Variants in RERE observed in about 807,000 individuals in gnomAD.
The protein encoded by RERE is arginine-glutamic acid dipeptide repeats protein.
In RERE, 40 loss-of-function variants were observed where a neutral mutation model predicts 146.1. The ratio of observed to expected loss-of-function variants is 0.27; its 90% confidence interval spans 0.21 to 0.36. The LOEUF (loss-of-function observed/expected upper bound fraction) is 0.36. RERE is among the 10% of genes least tolerant of loss of function. RERE has a pLI of 1.00. For synonymous variants in RERE, 1,003 were observed against 866.0 expected (o/e 1.16, Z -2.78); for missense variants, 1,933 against 2,138.7 (o/e 0.90, Z 1.90).
rs149748272 is a variant in RERE at position 8,394,147 on chromosome 1, A to T, written c.1285-28173T>A. Among the ~76,000 whole-genome samples the T allele has an allele frequency of 2.1e-3, 321 of 152,312 alleles. 2 individuals carry two copies. Among genetic ancestry groups the T allele is most frequent in the African/African-American group, 7.4e-3 (309 of 41,562 alleles). ...CATTTCTTGACATTCTATAATCCCA[A>T]CTTTCAATTTCTAATGCAGGTGGCT... On this transcript the variant is annotated intron_variant, in intron 12 of 22. Coordinates refer to ENST00000400908, the MANE Select transcript of RERE (RefSeq NM_001042681.2).
chr1:8,562,871 G>T (rs1646095817), intron 4 of RERE, among the ~76,000 whole-genome samples: 1 of 152,024 alleles, frequency 6.6e-6, no homozygotes, highest in Non-Finnish European at 1.5e-5. Flanking sequence ...CCCCAAATCT[G>T]GGCTTAGAAA....
rs964784141 is a variant in RERE, at chr1:8,656,355, A to G, written c.-58T>C. 2 of 1,533,858 alleles carry G rather than the reference A, an allele frequency of 1.3e-6. No homozygotes were observed. ...GGCTAGGCCTCCGTGAAAGGTAGAC[A>G]GTAAGCCTGGGCTTCAGTCTTCTGA... On this transcript the variant is annotated 5_prime_UTR_variant, in exon 2 of 23. Transcript: ENST00000400908.
At chr1:8,669,022 CTCTGTGTGTG>C (rs1638647314) in intron 1 of RERE, among the ~76,000 whole-genome samples, 1 of 22,464 alleles carries the variant, frequency 4.5e-5, no homozygotes, top group African/African-American at 2.1e-4. Flanking sequence ...ATGCACTCAA[CTCTGTGTGTG>C]TGTGTGTGTG....
At chr1:8,696,055 CTAT>C (rs1295657341) in intron 1 of RERE, among the ~76,000 whole-genome samples, 1 of 151,954 alleles carries the variant, frequency 6.6e-6, no homozygotes, top group Non-Finnish European at 1.5e-5. Context: ...GTCAGAATGG[CTAT>C]TATTAAAAAG....
In RERE at chr1:8,707,377, G is replaced by C. The variant is rs528233771; in HGVS notation, c.-144-50936C>G. On this transcript the variant is annotated intron_variant, in intron 1 of 22. Transcript: ENST00000400908. ...GGGAACCTTAGCAATAGCTGAACAGGACCCACATTATTCCAGACCCTTAAC... is the reference window on the plus strand; with the variant it reads ...GGGAACCTTAGCAATAGCTGAACAGCACCCACATTATTCCAGACCCTTAAC... 2.6e-5 allele frequency among the ~76,000 whole-genome samples: 4 copies of C among 151,960 alleles called. No individual in the cohort carries two copies. The South Asian group carries it at 8.3e-4, about 32-fold the overall frequency.
intron 7 of RERE, among the ~76,000 whole-genome samples, chr1:8,518,226 A>G (rs1192989196): frequency 6.6e-6 from 1 of 152,230 alleles, no homozygotes; most frequent in East Asian, 1.9e-4. Flanking sequence ...AGGCACCACC[A>G]TGAAGCAACT....
intron 2 of RERE, among the ~76,000 whole-genome samples, chr1:8,648,982 AT>A (rs1450678394): frequency 2.0e-5 from 3 of 151,858 alleles, no homozygotes; most frequent in East Asian, 3.9e-4. Context: ...AAAAAAAAAA[AT>A]CTCACAATAA....
chr1:8,557,490 A>C lies in RERE; in HGVS notation c.556T>G (p.Trp186Gly). 6.2e-7 allele frequency: 1 copy of C among 1,613,524 alleles called. No homozygotes were observed. The highest frequency in any genetic ancestry group is 1.7e-5 in the Admixed American group (1 of 60,022). Reference protein sequence around the residue: ...KRDHLLMNVKWYYRQSEVPDS... With the variant: ...KRDHLLMNVKGYYRQSEVPDS... ...GGAACCTCAGATTGACGGTAGTACC[A>C]TTTGACGTTCATGAGGAGATGGTCC... Residue 186 changes from tryptophan (W) to glycine (G), a missense_variant, in exon 5 of 23, where the codon TGG (tryptophan) becomes GGG (glycine). By Grantham distance (184) the Trp-to-Gly change is radical. Around this residue, in one of 11 missense-constraint regions of RERE, gnomAD observed 74 missense variants for 99.6 expected, o/e 0.74. Coordinates refer to ENST00000400908, the MANE Select transcript of RERE (RefSeq NM_001042681.2).
chr1:8,355,248 A>T, intron 22 of RERE, 128 bp from the exon 23 acceptor site: 1 of 1,169,336 alleles, frequency 8.6e-7, no homozygotes, highest in Non-Finnish European at 1.3e-6. Flanking sequence ...TGTGTAGCTG[A>T]CCTACCCTCC....
intron 2 of RERE, among the ~76,000 whole-genome samples, chr1:8,637,742 C>G (rs1378602502): frequency 6.6e-6 from 1 of 152,180 alleles, no homozygotes; most frequent in African/African-American, 2.4e-5. Flanking sequence ...TCTCCAATTT[C>G]TCTTTTTTGT....
intron 1 of RERE, among the ~76,000 whole-genome samples, chr1:8,656,727 T>A (rs1638323129): frequency 6.6e-6 from 1 of 152,160 alleles, no homozygotes; most frequent in Admixed American, 6.5e-5. Flanking sequence ...AGCAAACCAA[T>A]ACCCTGGTAG....
At chr1:8,652,005 G>A (rs1226912052) in intron 2 of RERE, among the ~76,000 whole-genome samples, 4 of 152,072 alleles carry the variant, frequency 2.6e-5, no homozygotes, top group Non-Finnish European at 5.9e-5. Context: ...TGATTCTTCA[G>A]TTTAAGTAAC....
chr1:8,695,445 A>G (rs1557486715), intron 1 of RERE, among the ~76,000 whole-genome samples: 1 of 152,114 alleles, frequency 6.6e-6, no homozygotes, highest in Non-Finnish European at 1.5e-5. Flanking sequence ...GCTTCTGCAC[A>G]GCAAAAGAAA....
In RERE at chr1:8,476,043, C is replaced by T. The variant is rs562923024; in HGVS notation, c.1105-10020G>A. 4.6e-5 allele frequency among the ~76,000 whole-genome samples: 7 copies of T among 152,300 alleles called. No homozygotes were observed. The South Asian group carries it at 1.5e-3, about 32-fold the overall frequency. On this transcript the variant is annotated intron_variant, in intron 10 of 22. Transcript: ENST00000400908. ...TATAGTTATTGAACCAATCTTCCCT[C>T]CCTCTTTCCATCACTTTCTGAAACT...
At chr1:8,803,622 C>T (rs991930300) in intron 1 of RERE, among the ~76,000 whole-genome samples, 1 of 152,078 alleles carries the variant, frequency 6.6e-6, no homozygotes, top group Admixed American at 6.6e-5. Context: ...CACTCTGTTG[C>T]CCAGACTGAA....
intron 11 of RERE, among the ~76,000 whole-genome samples, chr1:8,460,226 A>G (rs1644509066): frequency 6.6e-6 from 1 of 152,176 alleles, no homozygotes; most frequent in East Asian, 1.9e-4. Flanking sequence ...CCTAGCTTGA[A>G]AAGAGTGAAC....
chr1:8,506,686 A>G (rs11801713), intron 8 of RERE, among the ~76,000 whole-genome samples: 4,282 of 152,142 alleles, frequency 0.028, 170 homozygotes, highest in African/African-American at 0.097. Flanking sequence ...TAGACACATG[A>G]CCCAATCCAT....
chr1:8,559,279 T>TAAAAAAAAAA (rs1646044423), intron 4 of RERE, among the ~76,000 whole-genome samples: 1 of 2,050 alleles, frequency 4.9e-4, no homozygotes, highest in African/African-American at 2.3e-3. Context: ...AAACTCCAGC[T>TAAAAAAAAAA]CAAAAAAAAA....
At chr1:8,451,560 C>T (rs142088110) in intron 11 of RERE, among the ~76,000 whole-genome samples, 95 of 152,274 alleles carry the variant, frequency 6.2e-4, no homozygotes, top group Non-Finnish European at 1.0e-3. Context: ...AACTTGTACC[C>T]CAGATGAATT....
Sources: allele counts gnomAD v4.1 joint callset (sites outside exome capture counted in the v4.1 genomes callset), GRCh38; gene constraint gnomAD v4.1.1; regional missense constraint gnomAD v4.1.1; transcripts MANE v1.5; gene names NCBI Gene and HGNC (gene_info 2026-07-23, HGNC 2026-07-21).